PHACTR2: variants seen among roughly 807,000 people sequenced by gnomAD.
PHACTR2 encodes the protein chromosome 6 open reading frame 56.
Under a neutral mutation model 76.0 loss-of-function variants are expected in PHACTR2, and 30 were observed. The observed-to-expected ratio is 0.39, with a 90% CI of 0.30 to 0.54. The LOEUF is 0.54. PHACTR2 is among the 20% of genes least tolerant of loss of function. The probability of loss-of-function intolerance (pLI) is 0.61; values close to 1 mark genes in which losing one functional copy is unlikely to be tolerated. For synonymous variants in PHACTR2, 292 were observed against 292.5 expected (o/e 1.00, Z 0.02); for missense variants, 696 against 781.1 (o/e 0.89, Z 1.30).
chr6:143,778,274 A>G (rs1451356317), intron 9 of PHACTR2, among the ~76,000 whole-genome samples: 3 of 152,174 alleles, frequency 2.0e-5, no homozygotes, highest in Admixed American at 2.0e-4. Context: ...TTTTCGAGTT[A>G]TCTTGGCCTG....
intron 1 of PHACTR2, among the ~76,000 whole-genome samples, chr6:143,632,464 G>C (rs990528072): frequency 6.6e-6 from 1 of 152,082 alleles, no homozygotes; most frequent in African/African-American, 2.4e-5. Flanking sequence ...AGGAGTTTTA[G>C]GTTTACAGCA....
rs753724631 is a variant in PHACTR2 at position 143,627,468 on chromosome 6, C to T, written c.13+19146C>T. ...ATACTCAGCTACTACGTCAGGTAGC[C>T]TTGCGGAATTCAAGAGTCTTTCCCC... On this transcript the variant is annotated intron_variant, in intron 1 of 11. Transcript: ENST00000305766. This position sits in a 1 kb window ranked among gnomAD's most constrained non-coding sequence, Gnocchi z 4.3. 1.3e-5 allele frequency among the ~76,000 whole-genome samples: 2 copies of T among 152,108 alleles called. No homozygotes were observed. Among genetic ancestry groups the T allele is most frequent in the Non-Finnish European group, 2.9e-5 (2 of 68,022 alleles).
At position 143,585,890 on chromosome 6, in the gene PHACTR2, G is replaced by A. The variant is rs1309966480; in HGVS notation, c.217+48683G>A. Among the ~76,000 whole-genome samples, 2 of 152,200 alleles carry A rather than the reference G, an allele frequency of 1.3e-5. No homozygotes were observed. The highest frequency in any genetic ancestry group is 2.4e-5 in the African/African-American group (1 of 41,450). On this transcript the variant is annotated intron_variant, in intron 1 of 11. Transcript: ENST00000367584. This position sits in a 1 kb window ranked among gnomAD's most constrained non-coding sequence, Gnocchi z 5.2. ...CAGCAGGGGATTTTAAGCTGGGGCC[G>A]CTAGCACTTCATGGCAGGGACACAT...
intron 1 of PHACTR2, among the ~76,000 whole-genome samples, chr6:143,609,381 A>T (rs1327164582): frequency 6.6e-6 from 1 of 150,518 alleles, no homozygotes; most frequent in Non-Finnish European, 1.5e-5. Context: ...TTGCCATTGA[A>T]GATATTGAAA....
In PHACTR2 at chr6:143,750,013, T is replaced by C. The variant is rs549039231; in HGVS notation, c.295+948T>C. 1.3e-5 allele frequency among the ~76,000 whole-genome samples: 2 copies of C among 152,228 alleles called. No homozygotes were observed. Among genetic ancestry groups the C allele is most frequent in the African/African-American group, 2.4e-5 (1 of 41,468 alleles). ...TAATAATACAGCTGTTTTCCTGATA[T>C]ATGTTCCTTGCAAAGGACTTAACAT... On this transcript the variant is annotated intron_variant, in intron 3 of 12. Coordinates refer to ENST00000440869, the MANE Select transcript of PHACTR2 (RefSeq NM_001100164.2). The surrounding 1 kb of genome is among the most constrained non-coding windows in gnomAD (Gnocchi z 4.6).
intron 11 of PHACTR2, among the ~76,000 whole-genome samples, chr6:143,796,656 C>T (rs772881501): frequency 1.3e-4 from 19 of 151,922 alleles, no homozygotes; most frequent in East Asian, 3.9e-4. Flanking sequence ...TGAGAACATG[C>T]GGTGTTTGGT....
chr6:143,772,155 C>A lies in PHACTR2; in HGVS notation c.1233-103C>A. ...TATGTCAAGTGTCTGCTTTCCTCAG[C>A]CTGAAGGAAGCCCATGAAACTAGAG... On this transcript the variant is annotated intron_variant, in intron 6 of 12. Coordinates refer to ENST00000440869, the MANE Select transcript of PHACTR2 (RefSeq NM_001100164.2). This position sits in a 1 kb window ranked among gnomAD's most constrained non-coding sequence, Gnocchi z 5.4. 3 of 778,912 alleles carry A rather than the reference C, an allele frequency of 3.9e-6. No individual in the cohort carries two copies. The highest frequency in any genetic ancestry group is 1.5e-5 in the South Asian group (1 of 66,204). The allele number at this position is 778,912 out of a possible 1,614,324, so 48.3% of individuals were successfully genotyped here.
rs565258967 is a variant in PHACTR2 at position 143,820,227 on chromosome 6, G to C, written c.1923-3447G>C. On this transcript the variant is annotated intron_variant, in intron 12 of 12. Coordinates refer to ENST00000440869, the MANE Select transcript of PHACTR2 (RefSeq NM_001100164.2). This position sits in a 1 kb window ranked among gnomAD's most constrained non-coding sequence, Gnocchi z 4.2. Reference sequence around the variant, plus strand: ...TCCAAACTGTATCATTTTGACCCTGGCTGCTCCCAAATCTCATGTCCTTCT... The same window carrying C: ...TCCAAACTGTATCATTTTGACCCTGCCTGCTCCCAAATCTCATGTCCTTCT... Among the ~76,000 whole-genome samples, 16 of 152,228 alleles carry C rather than the reference G, an allele frequency of 1.1e-4. No homozygotes were observed. The South Asian group carries it at 3.3e-3, about 32-fold the overall frequency.
chr6:143,639,569 T>C lies in PHACTR2; in HGVS notation c.13+31247T>C, dbSNP rs1025179175. On this transcript the variant is annotated intron_variant, in intron 1 of 11. Transcript: ENST00000305766. The surrounding 1 kb of genome is among the most constrained non-coding windows in gnomAD (Gnocchi z 5.0). ...ATTAATTGTGCTGGGGAAAAGTCTT[T>C]AGGTTTGGGAGTGAGAAAGCCTGAT... 1.3e-5 allele frequency among the ~76,000 whole-genome samples: 2 copies of C among 152,182 alleles called. No homozygotes were observed. The highest frequency in any genetic ancestry group is 4.8e-5 in the African/African-American group (2 of 41,454).
intron 11 of PHACTR2, among the ~76,000 whole-genome samples, chr6:143,797,971 C>A (rs1296339389): frequency 6.6e-6 from 1 of 152,190 alleles, no homozygotes; most frequent in Non-Finnish European, 1.5e-5. Context: ...AGCATTGAAT[C>A]TGTAAATTAC....
rs1776057780 is a variant in PHACTR2 at position 143,616,234 on chromosome 6, A to G, written c.13+7912A>G. Among the ~76,000 whole-genome samples the G allele has an allele frequency of 6.6e-6, 1 of 152,250 alleles. No individual in the cohort carries two copies. The highest frequency in any genetic ancestry group is 2.4e-5 in the African/African-American group (1 of 41,470). On this transcript the variant is annotated intron_variant, in intron 1 of 11. Coordinates refer to the PHACTR2 transcript ENST00000305766. The surrounding 1 kb of genome is among the most constrained non-coding windows in gnomAD (Gnocchi z 4.9). ...CAAATATTTAATCTTCTAATTAGGA[A>G]TAGTGATTGAAATTGTGCCTCAGGA...
chr6:143,790,347 C>T (rs576778389), intron 11 of PHACTR2, among the ~76,000 whole-genome samples: 9 of 151,828 alleles, frequency 5.9e-5, no homozygotes, highest in East Asian at 1.9e-4. Flanking sequence ...AACATACAGG[C>T]GGAAAAGTCA....
intron 2 of PHACTR2, among the ~76,000 whole-genome samples, chr6:143,723,543 T>C (rs1179566031): frequency 6.6e-6 from 1 of 152,192 alleles, no homozygotes; most frequent in Non-Finnish European, 1.5e-5. Flanking sequence ...TCATGAATCC[T>C]CCTTGTCATC....
chr6:143,567,388 A>T (rs1775378699), intron 1 of PHACTR2, among the ~76,000 whole-genome samples: 1 of 151,818 alleles, frequency 6.6e-6, no homozygotes, highest in South Asian at 2.1e-4. Flanking sequence ...ACTTTTATTT[A>T]TTTATTTATT....
chr6:143,750,176 G>A lies in PHACTR2; in HGVS notation c.295+1111G>A, dbSNP rs983339053. Among the ~76,000 whole-genome samples the A allele has an allele frequency of 6.6e-6, 1 of 152,120 alleles. No individual in the cohort carries two copies. The highest frequency in any genetic ancestry group is 1.5e-5 in the Non-Finnish European group (1 of 67,998). Reference sequence around the variant, plus strand: ...GTAGGGAACTCTGCAGTGAATAGTAGCATTTTCTTAAGCCCTCGCAATTTT... The same window carrying A: ...GTAGGGAACTCTGCAGTGAATAGTAACATTTTCTTAAGCCCTCGCAATTTT... On this transcript the variant is annotated intron_variant, in intron 3 of 12. Transcript: ENST00000440869. This position sits in a 1 kb window ranked among gnomAD's most constrained non-coding sequence, Gnocchi z 4.6.
rs769359472 is a variant in PHACTR2, at chr6:143,625,023, G to A, written c.13+16701G>A. ...ATAGAAAAATTAGCTGAGCGTGGTG[G>A]TGCATGCCTGTAATCCTAGCTACAG... On this transcript the variant is annotated intron_variant, in intron 1 of 11. Transcript: ENST00000305766. The surrounding 1 kb of genome is among the most constrained non-coding windows in gnomAD (Gnocchi z 4.3). Among the ~76,000 whole-genome samples the A allele has an allele frequency of 3.0e-4, 45 of 152,202 alleles. No homozygotes were observed. Among genetic ancestry groups the A allele is most frequent in the Admixed American group, 4.6e-4 (7 of 15,294 alleles).
rs1278138705 is a variant in PHACTR2, at chr6:143,806,209, G to T, written c.1846-848G>T. On this transcript the variant is annotated intron_variant, in intron 11 of 12. Coordinates refer to ENST00000440869, the MANE Select transcript of PHACTR2 (RefSeq NM_001100164.2). This position sits in a 1 kb window ranked among gnomAD's most constrained non-coding sequence, Gnocchi z 5.8. ...TAATGTTAACATTTCAGTCTGAATG[G>T]CGTAAGCATCCCCTCAAATACCAAA... 6.6e-6 allele frequency among the ~76,000 whole-genome samples: 1 copy of T among 152,126 alleles called. No individual in the cohort carries two copies. Among genetic ancestry groups the T allele is most frequent in the Non-Finnish European group, 1.5e-5 (1 of 68,026 alleles).
Position 143,595,914 on chromosome 6 carries a change from T to C in PHACTR2, c.217+58707T>C, listed in dbSNP as rs1775745588. 6.6e-6 allele frequency among the ~76,000 whole-genome samples: 1 copy of C among 152,234 alleles called. No individual in the cohort carries two copies. Among genetic ancestry groups the C allele is most frequent in the Non-Finnish European group, 1.5e-5 (1 of 68,040 alleles). ...CCTGTCTACTGAGTTGGGTGGGTTA[T>C]AGGTAGCGTCACTTAGGGAAAAGTT... On this transcript the variant is annotated intron_variant, in intron 1 of 11. Transcript: ENST00000367584. This position sits in a 1 kb window ranked among gnomAD's most constrained non-coding sequence, Gnocchi z 4.2.
At chr6:143,707,821 C>T (rs1487611080) in intron 1 of PHACTR2, among the ~76,000 whole-genome samples, 1 of 152,186 alleles carries the variant, frequency 6.6e-6, no homozygotes, top group East Asian at 1.9e-4. Context: ...AGGCCAGCTT[C>T]TGCTTAGCTT....
Sources: gnomAD v4.1 joint callset for allele counts (sites outside exome capture counted in the v4.1 genomes callset) on GRCh38, gnomAD v4.1.1 for gene constraint, Gnocchi (gnomAD v3.1) non-coding constraint, MANE v1.5 for transcripts, NCBI Gene and HGNC (gene_info 2026-07-23, HGNC 2026-07-21) for gene names.